Variants in FGD5 observed in about 807,000 individuals in gnomAD.
FGD5 encodes FYVE, RhoGEF and PH domain-containing protein 5.
FGD5 carries 28 observed loss-of-function variants against 133.4 expected under a neutral mutation model. That is an observed-to-expected ratio of 0.21 (90% CI 0.16 to 0.29). The LOEUF (loss-of-function observed/expected upper bound fraction) is 0.29, where lower values mean the gene tolerates loss of function less well. Among genes scored for constraint, FGD5 ranks in the 10% least tolerant of loss-of-function variants. The pLI, the probability that FGD5 is intolerant of heterozygous loss-of-function variation, is 1.00. For synonymous variants in FGD5, 810 were observed against 776.5 expected, an observed-to-expected ratio of 1.04 and a Z score of -0.72; for missense variants, 1,858 against 1,895.2, an observed-to-expected ratio of 0.98 and a Z score of 0.36.
At position 14,922,072 on chromosome 3, in the gene FGD5, T is replaced by G; in HGVS notation, c.3669+55T>G. The G allele has an allele frequency of 6.6e-7, 1 of 1,524,214 alleles. No homozygotes were observed. Among genetic ancestry groups the G allele is most frequent in the East Asian group, 2.5e-5 (1 of 40,788 alleles). 94.4% of individuals were successfully genotyped at this position (1,524,214 alleles called of 1,614,324 possible). A position where few individuals can be genotyped will look rare whatever the true frequency, so the allele number is the denominator to read the frequency against. On this transcript the variant is annotated intron_variant, in intron 14 of 19. Transcript: ENST00000285046. This position sits in a 1 kb window ranked among gnomAD's most constrained non-coding sequence, Gnocchi z 4.1. ...CCAGCTTCAGAGACCTGGGGTTCCCTGGGCGGGCATTGCTGTTGCCACTCA... is the reference window on the plus strand; with the variant it reads ...CCAGCTTCAGAGACCTGGGGTTCCCGGGGCGGGCATTGCTGTTGCCACTCA...
intron 1 of FGD5, among the ~76,000 whole-genome samples, chr3:14,837,850 T>C (rs1187492642): frequency 6.6e-6 from 1 of 152,242 alleles, no homozygotes; most frequent in Non-Finnish European, 1.5e-5. Context: ...AATGAAGTGA[T>C]GAGCTAAGTG....
At chr3:14,821,741 T>TC in intron 1 of FGD5, 145 bp downstream of exon 1, 1 of 1,142,210 alleles carries the variant, frequency 8.8e-7, no homozygotes, top group African/African-American at 1.6e-5. Context: ...TGGCTTTATA[T>TC]CTCTGAGCCT....
intron 18 of FGD5, among the ~76,000 whole-genome samples, chr3:14,927,753 A>T (rs1343636618): frequency 1.3e-5 from 2 of 151,636 alleles, no homozygotes; most frequent in Non-Finnish European, 2.9e-5. Flanking sequence ...AGGAATCTTT[A>T]TTTTTTCCAA....
chr3:14,918,698 G>A (rs2125151910), intron 12 of FGD5, 56 bp from the exon 13 acceptor site: 8 of 1,566,980 alleles, frequency 5.1e-6, no homozygotes, highest in East Asian at 4.5e-5. Context: ...GGAGAAGCCG[G>A]TCTACACTTG....
Position 14,820,307 on chromosome 3 carries a change from TGTG to T in FGD5, c.1242_1244del (p.Val416del), listed in dbSNP as rs774277608. On this transcript the variant is annotated inframe_deletion, in exon 1 of 20. Coordinates refer to ENST00000285046, the MANE Select transcript of FGD5 (RefSeq NM_152536.4). ...CGGCCGAGGGTCCCGCAGCCCCTGA[TGTG>T]GTGGTCGTGCTGGAGGAGGAGGCCT... 4.0e-5 allele frequency: 65 copies of T among 1,607,808 alleles called. 1 individual carries two copies. In the South Asian group the frequency reaches 5.7e-4, roughly 14 times the overall value.
At chr3:14,864,049 T>C (rs2037449410) in intron 1 of FGD5, 79 bp from the exon 2 acceptor site, 5 of 1,561,014 alleles carry the variant, frequency 3.2e-6, no homozygotes, top group South Asian at 1.2e-5. Flanking sequence ...CCCCATGGCA[T>C]GAATGGGACC....
chr3:14,911,497 T>C (rs1346173026), intron 11 of FGD5, among the ~76,000 whole-genome samples: 1 of 152,096 alleles, frequency 6.6e-6, no homozygotes, highest in Non-Finnish European at 1.5e-5. Context: ...AGTTTTTCTC[T>C]TGCTCCTGCA....
intron 4 of FGD5, 198 bp from the exon 5 acceptor site, chr3:14,897,311 C>G: frequency 1.6e-6 from 1 of 607,550 alleles, no homozygotes; most frequent in Non-Finnish European, 2.8e-6. Flanking sequence ...GGTGTCAGCT[C>G]AGGCAGCCCT....
chr3:14,926,025 C>G, intron 17 of FGD5, 45 bp from the exon 18 acceptor site: 1 of 1,607,592 alleles, frequency 6.2e-7, no homozygotes, highest in Non-Finnish European at 8.5e-7. Flanking sequence ...TTGAACTGTG[C>G]CTGACCACCG....
intron 1 of FGD5, among the ~76,000 whole-genome samples, chr3:14,837,556 C>T (rs2036840716): frequency 6.6e-6 from 1 of 152,190 alleles, no homozygotes; most frequent in African/African-American, 2.4e-5. Flanking sequence ...TGTCCTCACT[C>T]TTTGGCCTGA....
intron 1 of FGD5, among the ~76,000 whole-genome samples, chr3:14,823,861 C>A (rs73814184): frequency 0.016 from 2,456 of 152,266 alleles, 58 homozygotes; most frequent in African/African-American, 0.055. Flanking sequence ...TGCAAAAAAA[C>A]CAAACAAAAA....
At chr3:14,825,567 T>C (rs192718981) in intron 1 of FGD5, among the ~76,000 whole-genome samples, 53 of 152,270 alleles carry the variant, frequency 3.5e-4, no homozygotes, top group African/African-American at 1.2e-3. Flanking sequence ...GGAGGATCAC[T>C]TGAGCTAGGA....
At chr3:14,929,901 G>A (rs542174817) in intron 18 of FGD5, among the ~76,000 whole-genome samples, 2 of 152,326 alleles carry the variant, frequency 1.3e-5, no homozygotes, top group East Asian at 3.9e-4. Context: ...TTTTATGACT[G>A]TTGCTTTCTG....
intron 10 of FGD5, among the ~76,000 whole-genome samples, chr3:14,909,672 A>G (rs2038408551): frequency 6.6e-6 from 1 of 152,184 alleles, no homozygotes; most frequent in African/African-American, 2.4e-5. Context: ...ATCTCCATTC[A>G]TTGAGGAAGT....
intron 2 of FGD5, among the ~76,000 whole-genome samples, chr3:14,873,714 A>T (rs2037656774): frequency 6.6e-6 from 1 of 151,332 alleles, no homozygotes. Context: ...GTTTAACGTA[A>T]GAGCTACACT....
intron 2 of FGD5, among the ~76,000 whole-genome samples, chr3:14,873,001 A>G (rs948442503): frequency 6.6e-5 from 10 of 152,218 alleles, no homozygotes; most frequent in African/African-American, 2.4e-4. Context: ...TGTGGGGTGC[A>G]TGGCTTAACC....
chr3:14,826,209 C>T (rs538162587), intron 1 of FGD5, among the ~76,000 whole-genome samples: 15 of 152,220 alleles, frequency 9.9e-5, no homozygotes, highest in South Asian at 2.1e-4. Context: ...CAGATTATAC[C>T]GTGCACATGT....
chr3:14,872,128 G>T (rs1191970239), intron 2 of FGD5, among the ~76,000 whole-genome samples: 1 of 152,228 alleles, frequency 6.6e-6, no homozygotes. Flanking sequence ...CCTCGGCTCT[G>T]GGAGATGCCA....
intron 1 of FGD5, among the ~76,000 whole-genome samples, chr3:14,844,217 A>AAAAAAAAAAAT (rs1559477363): frequency 4.9e-5 from 1 of 20,380 alleles, no homozygotes. Context: ...AAAAAAAAAA[A>AAAAAAAAAAAT]ATATATATAT....
Sources: allele counts gnomAD v4.1 joint callset (sites outside exome capture counted in the v4.1 genomes callset), GRCh38; gene constraint gnomAD v4.1.1; non-coding constraint Gnocchi (gnomAD v3.1); transcripts MANE v1.5; gene names NCBI Gene and HGNC (gene_info 2026-07-23, HGNC 2026-07-21).